Variants in SCN8A observed in about 807,000 individuals in gnomAD.
SCN8A encodes sodium voltage-gated channel alpha subunit 8, also known as sodium channel protein type 8 subunit alpha.
SCN8A carries 30 observed loss-of-function variants against 184.1 expected under a neutral mutation model. That is an observed-to-expected ratio of 0.16 (90% CI 0.12 to 0.22). The LOEUF is 0.22. SCN8A is among the 10% of genes least tolerant of loss of function. SCN8A has a pLI of 1.00. For missense variants in SCN8A, 1,057 were observed against 2,498.9 expected, an observed-to-expected ratio of 0.42 and a Z score of 12.30; for synonymous variants, 852 against 907.0, an observed-to-expected ratio of 0.94 and a Z score of 1.09.
At chr12:51,798,846 A>C (rs1225963013) in intron 26 of SCN8A, among the ~76,000 whole-genome samples, 1 of 152,160 alleles carries the variant, frequency 6.6e-6, no homozygotes, top group Non-Finnish European at 1.5e-5. Flanking sequence ...CAAATTTGTC[A>C]CCAATCATGC....
chr12:51,765,182 T>A (rs1049949966), intron 15 of SCN8A, among the ~76,000 whole-genome samples: 10 of 152,216 alleles, frequency 6.6e-5, no homozygotes, highest in Non-Finnish European at 1.5e-4. Context: ...GTTTTTTTTT[T>A]AATCAGCCAT....
At chr12:51,753,501 G>T (rs1306168251) in intron 14 of SCN8A, among the ~76,000 whole-genome samples, 1 of 152,188 alleles carries the variant, frequency 6.6e-6, no homozygotes, top group Admixed American at 6.5e-5. Flanking sequence ...AAGGAAGTTG[G>T]GTACGTGCTG....
intron 20 of SCN8A, among the ~76,000 whole-genome samples, chr12:51,778,271 CT>C (rs962831545): frequency 6.6e-6 from 1 of 151,354 alleles, no homozygotes. Context: ...GTCCATATCC[CT>C]TTTTATTTTA....
chr12:51,642,284 T>C (rs1391768913), intron 1 of SCN8A, among the ~76,000 whole-genome samples: 1 of 152,226 alleles, frequency 6.6e-6, no homozygotes, highest in East Asian at 1.9e-4. Flanking sequence ...TCACTGGCTG[T>C]TTGATACAAG....
intron 14 of SCN8A, among the ~76,000 whole-genome samples, chr12:51,758,946 A>G (rs1341269300): frequency 6.6e-6 from 1 of 151,626 alleles, no homozygotes; most frequent in Non-Finnish European, 1.5e-5. Flanking sequence ...ATACACACAC[A>G]CATACACACA....
chr12:51,612,444 T>A lies in SCN8A; in HGVS notation c.-55+21085T>A, dbSNP rs187590573. 2.1e-4 allele frequency among the ~76,000 whole-genome samples: 32 copies of A among 152,342 alleles called. No homozygotes were observed. The East Asian group carries it at 4.2e-3, about 20-fold the overall frequency. ...CTACCAAAGTACTGGATTACAGGCA[T>A]GAGCCACCATGCCCTAGCTGCTAGT... On this transcript the variant is annotated intron_variant, in intron 1 of 26. Transcript: ENST00000627620.
At chr12:51,620,769 C>CT (rs903948096) in intron 1 of SCN8A, among the ~76,000 whole-genome samples, 5 of 151,798 alleles carry the variant, frequency 3.3e-5, no homozygotes, top group Admixed American at 3.3e-4. Context: ...AAGAGGATCG[C>CT]TTGAGCTCAG....
chr12:51,768,488 G>A (rs1942870993), intron 16 of SCN8A, among the ~76,000 whole-genome samples: 1 of 151,962 alleles, frequency 6.6e-6, no homozygotes, highest in South Asian at 2.1e-4. Context: ...TCATGAATAT[G>A]TGGCATCTGT....
chr12:51,686,829 G>A (rs147562815), intron 4 of SCN8A, among the ~76,000 whole-genome samples: 2 of 152,244 alleles, frequency 1.3e-5, no homozygotes, highest in African/African-American at 4.8e-5. Context: ...AAATGATCAT[G>A]TACTAGATAG....
chr12:51,604,766 T>C (rs1380692755), intron 1 of SCN8A, among the ~76,000 whole-genome samples: 1 of 152,104 alleles, frequency 6.6e-6, no homozygotes, highest in Non-Finnish European at 1.5e-5. Flanking sequence ...ACTCCTGATC[T>C]CAGGTGATCC....
chr12:51,595,814 A>T (rs1592317287), intron 1 of SCN8A, among the ~76,000 whole-genome samples: 1 of 152,202 alleles, frequency 6.6e-6, no homozygotes, highest in African/African-American at 2.4e-5. Flanking sequence ...CAGTAGTCTG[A>T]AAAGCAGACG....
chr12:51,603,532 A>G (rs1351288692), intron 1 of SCN8A, among the ~76,000 whole-genome samples: 3 of 152,128 alleles, frequency 2.0e-5, no homozygotes, highest in African/African-American at 7.2e-5. Flanking sequence ...CTACCTTCAT[A>G]TTTCTCAAAG....
intron 1 of SCN8A, among the ~76,000 whole-genome samples, chr12:51,602,347 AAC>A (rs1391761742): frequency 2.0e-5 from 3 of 152,230 alleles, no homozygotes; most frequent in Non-Finnish European, 4.4e-5. Context: ...GTAAGTTTGT[AAC>A]ACAGAAGGCC....
At chr12:51,805,365 C>T (rs919484153) in intron 26 of SCN8A, among the ~76,000 whole-genome samples, 18 of 152,158 alleles carry the variant, frequency 1.2e-4, no homozygotes, top group African/African-American at 4.3e-4. Flanking sequence ...GATCGGATTG[C>T]TTGAACCCAG....
At chr12:51,779,503 T>C (rs1269070770) in intron 20 of SCN8A, among the ~76,000 whole-genome samples, 1 of 152,172 alleles carries the variant, frequency 6.6e-6, no homozygotes, top group Non-Finnish European at 1.5e-5. Context: ...CGGCAACATA[T>C]TCAACTCTGG....
chr12:51,782,926 ATTTTATTTGAAAAGCATTACGATG>A (rs1292966509), intron 21 of SCN8A, among the ~76,000 whole-genome samples: 9 of 152,214 alleles, frequency 5.9e-5, no homozygotes, highest in East Asian at 5.8e-4. Context: ...ACAGTAGATA[ATTTTATTTGAAAAGCATTACGATG>A]TTTTATTTGA....
At chr12:51,695,451 A>T (rs117515640) in intron 6 of SCN8A, among the ~76,000 whole-genome samples, 1 of 152,348 alleles carries the variant, frequency 6.6e-6, no homozygotes, top group Non-Finnish European at 1.5e-5. Flanking sequence ...ATCTCCAGGA[A>T]AGTGAATTCC....
chr12:51,685,778 T>G (rs1941409446), intron 3 of SCN8A, among the ~76,000 whole-genome samples: 1 of 152,178 alleles, frequency 6.6e-6, no homozygotes, highest in Non-Finnish European at 1.5e-5. Flanking sequence ...GGCTCAGGCC[T>G]GTAATCCTAG....
chr12:51,612,970 G>A (rs1466551241), intron 1 of SCN8A, among the ~76,000 whole-genome samples: 8 of 152,024 alleles, frequency 5.3e-5, no homozygotes, highest in African/African-American at 1.4e-4. Context: ...TGATCCAACC[G>A]CCCTGCCTCC....
Sources: gnomAD v4.1 joint callset for allele counts (sites outside exome capture counted in the v4.1 genomes callset) on GRCh38, gnomAD v4.1.1 for gene constraint, MANE v1.5 for transcripts, NCBI Gene and HGNC (gene_info 2026-07-23, HGNC 2026-07-21) for gene names.